NAV2: variants seen among roughly 807,000 people sequenced by gnomAD.
NAV2 encodes helicase, APC down-regulated 1.
Under a neutral mutation model 223.2 loss-of-function variants are expected in NAV2, and 54 were observed. The observed-to-expected ratio is 0.24, with a 90% CI of 0.19 to 0.30. NAV2 has a LOEUF of 0.30. Ranked by LOEUF, NAV2 falls within the 10% of genes least tolerant of loss-of-function variation. The pLI is 1.00. For synonymous variants in NAV2, 1,279 were observed against 1,239.3 expected (o/e 1.03, Z -0.67); for missense variants, 2,806 against 3,147.5 (o/e 0.89, Z 2.60).
intron 6 of NAV2, among the ~76,000 whole-genome samples, chr11:19,916,884 T>C (rs1304615453): frequency 1.3e-5 from 2 of 152,206 alleles, no homozygotes; most frequent in Non-Finnish European, 2.9e-5. Context: ...GTTAAGTCTG[T>C]AGCAGGCTAC....
At chr11:19,356,396 C>T (rs1359171489) in intron 1 of NAV2, among the ~76,000 whole-genome samples, 1 of 152,070 alleles carries the variant, frequency 6.6e-6, no homozygotes, top group East Asian at 1.9e-4. Context: ...TGTTGAGTAC[C>T]TACTGTGTGC....
chr11:19,399,188 G>T (rs565635186), intron 1 of NAV2, among the ~76,000 whole-genome samples: 1 of 152,142 alleles, frequency 6.6e-6, no homozygotes, highest in Admixed American at 6.5e-5. Flanking sequence ...ACACAGTTCT[G>T]TGTTCCCCTG....
chr11:20,100,561 G>A (rs1402379493), intron 31 of NAV2, among the ~76,000 whole-genome samples: 2 of 148,326 alleles, frequency 1.3e-5, no homozygotes, highest in Admixed American at 6.7e-5. Context: ...GTGTGTGTGT[G>A]TGTGTGTGTG....
chr11:19,977,196 C>G (rs1291027183), intron 10 of NAV2, among the ~76,000 whole-genome samples: 2 of 152,210 alleles, frequency 1.3e-5, no homozygotes, highest in Admixed American at 1.3e-4. Context: ...CGAAGAATTG[C>G]CCACTAAGTC....
At chr11:19,709,764 C>G (rs2049807823), upstream of NAV2, among the ~76,000 whole-genome samples, 2 of 151,702 alleles carry the variant, frequency 1.3e-5, no homozygotes, top group Non-Finnish European at 1.5e-5. Flanking sequence ...CAGCTTCCAG[C>G]CTGGGAAATT....
chr11:19,699,520 T>A (rs2152280480), intron 1 of NAV2, among the ~76,000 whole-genome samples: 1 of 152,252 alleles, frequency 6.6e-6, no homozygotes, highest in South Asian at 2.1e-4. Flanking sequence ...GCAAAGCCTG[T>A]TTTCCAAGAA....
chr11:19,564,509 C>T (rs2045202688), intron 1 of NAV2, among the ~76,000 whole-genome samples: 1 of 152,176 alleles, frequency 6.6e-6, no homozygotes, highest in Admixed American at 6.5e-5. Flanking sequence ...GCTGCCGGGC[C>T]TTTCTAAGGA....
chr11:19,959,801 G>A (rs972464779), intron 10 of NAV2, among the ~76,000 whole-genome samples: 2 of 152,258 alleles, frequency 1.3e-5, no homozygotes, highest in East Asian at 1.9e-4. Flanking sequence ...CCCTCCAGCC[G>A]ACAGCTACCG....
chr11:19,454,173 T>G (rs1851883412), intron 1 of NAV2, among the ~76,000 whole-genome samples: 1 of 152,274 alleles, frequency 6.6e-6, no homozygotes, highest in South Asian at 2.1e-4. Flanking sequence ...AAGTCCCAAG[T>G]TGGAGCACAG....
intron 1 of NAV2, among the ~76,000 whole-genome samples, chr11:19,832,256 T>C (rs575824059): frequency 1.6e-4 from 25 of 152,308 alleles, no homozygotes; most frequent in African/African-American, 5.8e-4. Flanking sequence ...TTTGAAGCTT[T>C]CTTTAGTTTT....
At chr11:19,657,513 T>C (rs554464971) in intron 1 of NAV2, among the ~76,000 whole-genome samples, 1 of 152,190 alleles carries the variant, frequency 6.6e-6, no homozygotes, top group South Asian at 2.1e-4. Context: ...TAGGGAAATA[T>C]GGCCATATCT....
chr11:19,784,096 G>A (rs1301568058), intron 1 of NAV2, among the ~76,000 whole-genome samples: 1 of 152,086 alleles, frequency 6.6e-6, no homozygotes, highest in Non-Finnish European at 1.5e-5. Context: ...ATGGTTAAGA[G>A]GGGCTTTATT....
intron 1 of NAV2, chr11:19,777,840 C>T: frequency 2.2e-6 from 1 of 455,636 alleles, no homozygotes; most frequent in Non-Finnish European, 4.4e-6. Context: ...CTCCTACGAG[C>T]ATGTCTGCGC....
At chr11:19,577,178 T>G (rs1013417746) in intron 1 of NAV2, among the ~76,000 whole-genome samples, 7 of 152,246 alleles carry the variant, frequency 4.6e-5, no homozygotes, top group African/African-American at 1.7e-4. Context: ...TATCTTTATT[T>G]ATCACATGAG....
At chr11:19,542,657 A>G (rs1565033339) in intron 1 of NAV2, among the ~76,000 whole-genome samples, 1 of 152,346 alleles carries the variant, frequency 6.6e-6, no homozygotes, top group East Asian at 1.9e-4. Context: ...TAATTCATCG[A>G]AGGTCATAAG....
chr11:20,115,083 T>G (rs1407571800), intron 37 of NAV2, among the ~76,000 whole-genome samples: 1 of 152,170 alleles, frequency 6.6e-6, no homozygotes, highest in East Asian at 1.9e-4. Flanking sequence ...CTTTGCCCTC[T>G]GATTTGGGAT....
chr11:19,967,202 G>T (rs912616170), intron 10 of NAV2, among the ~76,000 whole-genome samples: 1 of 152,120 alleles, frequency 6.6e-6, no homozygotes. Context: ...CTATTCTCTT[G>T]GTGCTGCCGC....
chr11:19,988,750 G>A lies in NAV2; in HGVS notation c.2768+4503G>A, dbSNP rs143608803. Among the ~76,000 whole-genome samples the A allele has an allele frequency of 8.4e-3, 1,277 of 152,220 alleles. 11 individuals are homozygous for A. The highest frequency in any genetic ancestry group is 0.012 in the Non-Finnish European group (821 of 68,016). On this transcript the variant is annotated intron_variant, in intron 11 of 37. Coordinates refer to ENST00000349880, the MANE Select transcript of NAV2 (RefSeq NM_145117.5). Reference sequence around the variant, plus strand: ...TCTCATGGTGTGAGAATGTAACTATGCAACCTGGTATTTGAGCAGCCTGCC... The same window carrying A: ...TCTCATGGTGTGAGAATGTAACTATACAACCTGGTATTTGAGCAGCCTGCC...
At chr11:19,772,131 A>G (rs2152593576) in intron 1 of NAV2, among the ~76,000 whole-genome samples, 1 of 152,260 alleles carries the variant, frequency 6.6e-6, no homozygotes, top group East Asian at 1.9e-4. Flanking sequence ...TTTTATTTTA[A>G]TTTTTATACA....
Sources: gnomAD v4.1 joint callset for allele counts (sites outside exome capture counted in the v4.1 genomes callset) on GRCh38, gnomAD v4.1.1 for gene constraint, MANE v1.5 for transcripts, NCBI Gene and HGNC (gene_info 2026-07-23, HGNC 2026-07-21) for gene names.